Variants in GALNT13 observed in about 807,000 individuals in gnomAD.
The protein encoded by GALNT13 is UDP-GalNAc:polypeptide N-acetylgalactosaminyltransferase 13.
GALNT13 carries 28 observed loss-of-function variants against 64.2 expected under a neutral mutation model. The observed-to-expected ratio is 0.44, with a 90% CI of 0.32 to 0.60. The LOEUF (loss-of-function observed/expected upper bound fraction) is 0.60. Ranked by LOEUF, GALNT13 falls within the 20% of genes least tolerant of loss-of-function variation. GALNT13 has a pLI of 0.05. For synonymous variants in GALNT13, 214 were observed against 224.6 expected, an observed-to-expected ratio of 0.95 and a Z score of 0.42; for missense variants, 577 against 669.8, an observed-to-expected ratio of 0.86 and a Z score of 1.53.
upstream of GALNT13, among the ~76,000 whole-genome samples, chr2:153,867,651 T>A (rs1041188219): frequency 1.3e-5 from 2 of 152,018 alleles, no homozygotes; most frequent in African/African-American, 2.4e-5. Flanking sequence ...GAAATAATTA[T>A]CTAACTCACC....
At chr2:153,096,184 C>T in the GALNT13 span, among the ~76,000 whole-genome samples, 1 of 151,916 alleles carries the variant, frequency 6.6e-6, no homozygotes, top group East Asian at 1.9e-4. Flanking sequence ...CAAAATTATT[C>T]ATGTTATTCT....
At chr2:153,184,765 T>C in the GALNT13 span, among the ~76,000 whole-genome samples, 2 of 152,174 alleles carry the variant, frequency 1.3e-5, no homozygotes, top group Non-Finnish European at 1.5e-5. Flanking sequence ...TGAATCATAT[T>C]TATTGATTTG....
chr2:154,327,741 T>C (rs1197122479), intron 9 of GALNT13, among the ~76,000 whole-genome samples: 1 of 152,052 alleles, frequency 6.6e-6, no homozygotes, highest in Non-Finnish European at 1.5e-5. Flanking sequence ...CTACCAAAAG[T>C]CTTACAGAAG....
chr2:154,343,276 C>A (rs1246225871), intron 9 of GALNT13, among the ~76,000 whole-genome samples: 1 of 151,960 alleles, frequency 6.6e-6, no homozygotes, highest in Non-Finnish European at 1.5e-5. Flanking sequence ...GGAATTGTTA[C>A]CTGCCTCAAG....
At chr2:153,245,570 C>A in the GALNT13 span, among the ~76,000 whole-genome samples, 1 of 152,182 alleles carries the variant, frequency 6.6e-6, no homozygotes. Context: ...AAAAAACTAA[C>A]AAACAGAAAG....
chr2:154,398,750 G>A (rs1195075923), intron 10 of GALNT13, among the ~76,000 whole-genome samples: 1 of 152,170 alleles, frequency 6.6e-6, no homozygotes, highest in Admixed American at 6.5e-5. Context: ...ATAATACTGG[G>A]TTATAGTGAT....
intron 4 of GALNT13, among the ~76,000 whole-genome samples, chr2:154,224,082 A>G (rs1221745879): frequency 6.6e-6 from 1 of 152,130 alleles, no homozygotes; most frequent in Non-Finnish European, 1.5e-5. Flanking sequence ...ATAGAAATAG[A>G]GAAAATTATA....
chr2:153,540,206 A>G, the GALNT13 span, among the ~76,000 whole-genome samples: 1 of 152,204 alleles, frequency 6.6e-6, no homozygotes, highest in South Asian at 2.1e-4. Flanking sequence ...CACTTCAGCC[A>G]TGTCTAAAAG....
the GALNT13 span, among the ~76,000 whole-genome samples, chr2:153,192,149 C>T: frequency 6.6e-6 from 1 of 151,666 alleles, no homozygotes; most frequent in Non-Finnish European, 1.5e-5. Flanking sequence ...TATTTGACAT[C>T]TTTCTACTTT....
the GALNT13 span, among the ~76,000 whole-genome samples, chr2:153,850,315 C>G: frequency 1.3e-5 from 2 of 152,158 alleles, no homozygotes; most frequent in Non-Finnish European, 2.9e-5. Context: ...GAATAATCAG[C>G]ATGGTGGTTT....
the GALNT13 span, among the ~76,000 whole-genome samples, chr2:153,596,500 C>T: frequency 2.0e-5 from 3 of 151,668 alleles, no homozygotes; most frequent in Non-Finnish European, 4.4e-5. Context: ...GAGACCATGC[C>T]GAAGATCACC....
At chr2:153,478,634 C>G in the GALNT13 span, 3 of 1,298,208 alleles carry the variant, frequency 2.3e-6, no homozygotes, top group South Asian at 1.5e-5. Flanking sequence ...GCTGGAGGAA[C>G]AGGTGCCGGG....
At chr2:154,267,505 T>G (rs1385589101) in intron 8 of GALNT13, among the ~76,000 whole-genome samples, 1 of 152,068 alleles carries the variant, frequency 6.6e-6, no homozygotes, top group Admixed American at 6.6e-5. Flanking sequence ...CTGGGCGTGG[T>G]CGTGGGCGCC....
At chr2:154,222,231 T>C (rs1466512475) in intron 4 of GALNT13, among the ~76,000 whole-genome samples, 1 of 152,110 alleles carries the variant, frequency 6.6e-6, no homozygotes, top group Non-Finnish European at 1.5e-5. Context: ...TGAAATCAAA[T>C]AATCTAGATA....
chr2:153,635,404 A>ATATATATATATACACATATATATG, the GALNT13 span, among the ~76,000 whole-genome samples: 37 of 128,412 alleles, frequency 2.9e-4, no homozygotes, highest in Non-Finnish European at 6.1e-4. Context: ...ATATGTATAT[A>ATATATATATATACACATATATATG]TATATATATA....
At chr2:154,392,386 T>TC (rs1698836559) in intron 9 of GALNT13, among the ~76,000 whole-genome samples, 1 of 152,144 alleles carries the variant, frequency 6.6e-6, no homozygotes, top group Non-Finnish European at 1.5e-5. Flanking sequence ...AAACAGGTGG[T>TC]TAGGCAATCA....
At chr2:153,510,373 A>G in the GALNT13 span, among the ~76,000 whole-genome samples, 1 of 152,164 alleles carries the variant, frequency 6.6e-6, no homozygotes, top group Non-Finnish European at 1.5e-5. Flanking sequence ...CATTTACTCA[A>G]TACGTGATTA....
chr2:153,881,748 A>G (rs1686800630), intron 1 of GALNT13, among the ~76,000 whole-genome samples: 1 of 152,112 alleles, frequency 6.6e-6, no homozygotes, highest in Admixed American at 6.5e-5. Flanking sequence ...TTTTTTGCAA[A>G]TGTTAATCAG....
intron 3 of GALNT13, among the ~76,000 whole-genome samples, chr2:154,131,578 C>T (rs1475817561): frequency 1.3e-5 from 2 of 152,142 alleles, no homozygotes; most frequent in African/African-American, 2.4e-5. Context: ...ACTGACTCCA[C>T]TTTGTACCTG....
Sources: gnomAD v4.1 joint callset for allele counts (sites outside exome capture counted in the v4.1 genomes callset) on GRCh38, gnomAD v4.1.1 for gene constraint, MANE v1.5 for transcripts, NCBI Gene and HGNC (gene_info 2026-07-23, HGNC 2026-07-21) for gene names.